Variants in TTBK2 observed in about 807,000 individuals in gnomAD.
TTBK2 encodes tau tubulin kinase 2.
In TTBK2, 28 loss-of-function variants were observed where a neutral mutation model predicts 110.8. That is an observed-to-expected ratio of 0.25 (90% CI 0.19 to 0.35). The LOEUF (loss-of-function observed/expected upper bound fraction) is 0.35, where lower values mean the gene tolerates loss of function less well. Among genes scored for constraint, TTBK2 ranks in the 10% least tolerant of loss-of-function variants. The pLI, the probability that TTBK2 is intolerant of heterozygous loss-of-function variation, is 1.00. For synonymous variants in TTBK2, 532 were observed against 527.3 expected (o/e 1.01, Z -0.12); for missense variants, 1,369 against 1,500.3 (o/e 0.91, Z 1.45).
At chr15:42,828,900 TGTAA>T (rs1401108099) in intron 5 of TTBK2, among the ~76,000 whole-genome samples, 1 of 152,180 alleles carries the variant, frequency 6.6e-6, no homozygotes, top group Non-Finnish European at 1.5e-5. Context: ...AAGATGAGTA[TGTAA>T]GTAAGAGGAC....
Position 42,785,740 on chromosome 15 carries a change from GTT to G in TTBK2, c.981-2107_981-2106del, listed in dbSNP as rs1239718375. Among the ~76,000 whole-genome samples the G allele has an allele frequency of 2.0e-5, 3 of 147,350 alleles. No homozygotes were observed. In the Admixed American group the frequency reaches 2.0e-4, roughly 10 times the overall value. On this transcript the variant is annotated intron_variant, in intron 10 of 14. Transcript: ENST00000267890. ...CAGTTCTGTAACTCTATATTCTAGG[GTT>G]TTTTTTTTTTTTTTTAAATATTGCT...
chr15:42,778,034 A>G (rs1221969232), intron 11 of TTBK2, among the ~76,000 whole-genome samples: 1 of 152,112 alleles, frequency 6.6e-6, no homozygotes, highest in Non-Finnish European at 1.5e-5. Context: ...AAAAAAAGAG[A>G]GAGAATCAAT....
At chr15:42,807,438 G>A (rs1353282859) in intron 9 of TTBK2, among the ~76,000 whole-genome samples, 1 of 151,844 alleles carries the variant, frequency 6.6e-6, no homozygotes, top group South Asian at 2.1e-4. Flanking sequence ...TTTTGAGATG[G>A]AGTCTCACCC....
intron 2 of TTBK2, among the ~76,000 whole-genome samples, chr15:42,877,002 T>C (rs1398488553): frequency 2.6e-5 from 4 of 152,196 alleles, no homozygotes; most frequent in Admixed American, 1.3e-4. Context: ...TTTTGGAGAA[T>C]GGCAAGAAAC....
intron 6 of TTBK2, among the ~76,000 whole-genome samples, chr15:42,825,043 T>C (rs1289080973): frequency 6.6e-6 from 1 of 152,050 alleles, no homozygotes; most frequent in East Asian, 1.9e-4. Context: ...GCCCAGTAGT[T>C]TGAGGCTACA....
chr15:42,752,478 T>G lies in TTBK2; in HGVS notation c.2768A>C (p.Asn923Thr), dbSNP rs2061879468. 6.2e-7 allele frequency: 1 copy of G among 1,614,190 alleles called. No individual in the cohort carries two copies. Among genetic ancestry groups the G allele is most frequent in the Non-Finnish European group, 8.5e-7 (1 of 1,180,028 alleles). Reference protein sequence around the residue: ...NGELFHCVSENEHGAPTRKDM... With the variant: ...NGELFHCVSETEHGAPTRKDM... ...CTTCCGGGTTGGGGCACCATGTTCA[T>G]TCTCTGAAACACAATGAAATAGTTC... The change falls in exon 14 of 15, where the codon AAT becomes ACT. Residue 923 changes from asparagine to threonine, a missense_variant. Transcript: ENST00000267890.
chr15:42,769,808 A>G (rs1465594229), intron 13 of TTBK2, among the ~76,000 whole-genome samples: 1 of 152,182 alleles, frequency 6.6e-6, no homozygotes, highest in African/African-American at 2.4e-5. Context: ...ACACATGTAC[A>G]TGTATGTTTA....
Position 42,828,049 on chromosome 15 carries a change from G to A in TTBK2, c.433-17C>T. 1 of 1,562,898 alleles carries A rather than the reference G, an allele frequency of 6.4e-7. No individual in the cohort carries two copies. Among genetic ancestry groups the A allele is most frequent in the Non-Finnish European group, 8.8e-7 (1 of 1,135,264 alleles). On this transcript the variant is annotated splice_polypyrimidine_tract_variant and intron_variant, in intron 5 of 14. Transcript: ENST00000267890. ...GAAGTTCGACTAGAAAAATAAAGAA[G>A]GAAAATATATACATTCTTATAATAC...
intron 13 of TTBK2, among the ~76,000 whole-genome samples, chr15:42,767,221 G>T (rs1032040190): frequency 6.6e-6 from 1 of 152,112 alleles, no homozygotes; most frequent in Non-Finnish European, 1.5e-5. Flanking sequence ...ACAATTAAAA[G>T]AACTAGAGAA....
intron 14 of TTBK2, 83 bp from the exon 15 acceptor site, chr15:42,746,340 G>A (rs2061795125): frequency 9.3e-7 from 1 of 1,078,316 alleles, no homozygotes; most frequent in Non-Finnish European, 1.4e-6. Context: ...AAATCATAAT[G>A]TGAATGTGTA....
At position 42,739,936 on chromosome 15, in the gene TTBK2, A is replaced by G. The variant is rs1288858348; in HGVS notation, c.*5859T>C. 2 of 152,236 alleles carry G rather than the reference A, an allele frequency of 1.3e-5. No individual in the cohort carries two copies. Among genetic ancestry groups the G allele is most frequent in the African/African-American group, 2.4e-5 (1 of 41,464 alleles). The allele number at this position is 152,236 out of a possible 1,614,324, so 9.4% of individuals were successfully genotyped here. On this transcript the variant is annotated 3_prime_UTR_variant, in exon 15 of 15. Coordinates refer to ENST00000267890, the MANE Select transcript of TTBK2 (RefSeq NM_173500.4). The stretch of plus-strand genomic sequence containing the variant: ...GAGCATCATATGGCAAGGGTAGTCT[A>G]TATAAAAACTTGGTTTACTCAATGT...
In TTBK2 at chr15:42,878,665, A is replaced by C. The variant is rs1308767240; in HGVS notation, c.-48T>G. 5 of 1,613,492 alleles carry C rather than the reference A, an allele frequency of 3.1e-6. No homozygotes were observed. The highest frequency in any genetic ancestry group is 4.2e-6 in the Non-Finnish European group (5 of 1,179,786). The stretch of plus-strand genomic sequence containing the variant: ...ACAGCTACACAGGCATCCAGTTCCC[A>C]AGGGTGGTTTCCATTTAACCTAAAA... On this transcript the variant is annotated 5_prime_UTR_variant, in exon 2 of 15. Coordinates refer to ENST00000267890, the MANE Select transcript of TTBK2 (RefSeq NM_173500.4).
At chr15:42,806,170 C>T (rs940353948) in intron 9 of TTBK2, among the ~76,000 whole-genome samples, 5 of 152,150 alleles carry the variant, frequency 3.3e-5, no homozygotes, top group African/African-American at 4.8e-5. Flanking sequence ...AAGGCTGAGG[C>T]AGAGAATCAC....
chr15:42,810,971 T>C (rs150118032), intron 8 of TTBK2, among the ~76,000 whole-genome samples: 6 of 152,280 alleles, frequency 3.9e-5, no homozygotes, highest in South Asian at 2.1e-4. Context: ...AGTGTATCGA[T>C]AGTCCCCAGA....
intron 1 of TTBK2, among the ~76,000 whole-genome samples, chr15:42,893,916 G>A (rs1895566805): frequency 6.6e-6 from 1 of 152,172 alleles, no homozygotes; most frequent in South Asian, 2.1e-4. Flanking sequence ...CAAGGTGAAA[G>A]GGACCTCCTT....
intron 5 of TTBK2, among the ~76,000 whole-genome samples, chr15:42,829,414 G>A (rs1892659785): frequency 1.3e-5 from 2 of 152,178 alleles, no homozygotes; most frequent in Non-Finnish European, 1.5e-5. Context: ...ACAACTAAAA[G>A]CAACATATAT....
chr15:42,792,443 A>G (rs551288641), intron 10 of TTBK2, among the ~76,000 whole-genome samples: 250 of 152,192 alleles, frequency 1.6e-3, no homozygotes, highest in Non-Finnish European at 1.9e-3. Flanking sequence ...AATGAAGGAC[A>G]CTTCTCCCTT....
intron 3 of TTBK2, among the ~76,000 whole-genome samples, chr15:42,853,444 GT>G (rs1413354010): frequency 6.6e-6 from 1 of 152,040 alleles, no homozygotes; most frequent in Admixed American, 6.5e-5. Flanking sequence ...TTTGGTATTA[GT>G]TGGACCTCCA....
At chr15:42,785,213 G>A (rs996349223) in intron 10 of TTBK2, among the ~76,000 whole-genome samples, 10 of 149,966 alleles carry the variant, frequency 6.7e-5, no homozygotes, top group African/African-American at 2.4e-4. Flanking sequence ...TCCGCCCCCG[G>A]GGTTCAAGCG....
Sources: gnomAD v4.1 joint callset for allele counts (sites outside exome capture counted in the v4.1 genomes callset) on GRCh38, gnomAD v4.1.1 for gene constraint, MANE v1.5 for transcripts, NCBI Gene and HGNC (gene_info 2026-07-23, HGNC 2026-07-21) for gene names.